The following FBN2 variants were observed in gnomAD, a reference collection of about 807,000 sequenced individuals.
The protein encoded by FBN2 is fibrillin 2.
FBN2 carries 105 observed loss-of-function variants against 355.6 expected under a neutral mutation model. The ratio of observed to expected loss-of-function variants is 0.30; its 90% CI spans 0.25 to 0.35. The LOEUF (loss-of-function observed/expected upper bound fraction) is 0.35, where lower values mean the gene tolerates loss of function less well. FBN2 is among the 10% of genes least tolerant of loss of function. FBN2 has a pLI of 1.00. For synonymous variants in FBN2, 1,350 were observed against 1,301.2 expected (o/e 1.04, Z -0.81); for missense variants, 3,280 against 3,758.7 (o/e 0.87, Z 3.33).
rs369652475 is a variant in FBN2 at position 128,302,991 on chromosome 5, G to A, written c.5899C>T (p.His1967Tyr). The A allele has an allele frequency of 7.9e-5, 125 of 1,577,590 alleles. 3 individuals are homozygous for A. The South Asian group carries it at 1.3e-3, about 17-fold the overall frequency. Residue 1967 changes from histidine to tyrosine, a missense_variant, in exon 46 of 65, where the codon CAT becomes TAT. Transcript: ENST00000262464. ...CLCYPGFELTHNNDCLDIDEC... is the reference protein window; with the variant it reads ...CLCYPGFELTYNNDCLDIDEC... ...TACTTACCCAGGCAATCATTATTAT[G>A]AGTGAGTTCAAACCCTGGGTAGCAC... is the stretch of plus-strand genomic sequence containing the variant.
chr5:128,509,667 T>C (rs1333001488), intron 5 of FBN2, among the ~76,000 whole-genome samples: 1 of 152,188 alleles, frequency 6.6e-6, no homozygotes, highest in Non-Finnish European at 1.5e-5. Flanking sequence ...TTTTTTACTT[T>C]ATTTAGTGCT....
chr5:128,347,334 T>C (rs1751209539), intron 23 of FBN2, among the ~76,000 whole-genome samples: 1 of 152,176 alleles, frequency 6.6e-6, no homozygotes, highest in Non-Finnish European at 1.5e-5. Context: ...TATCGGCAAT[T>C]AAAAGTCAGC....
intron 5 of FBN2, among the ~76,000 whole-genome samples, chr5:128,465,307 C>T (rs1258311666): frequency 1.3e-5 from 2 of 152,186 alleles, no homozygotes; most frequent in Non-Finnish European, 2.9e-5. Flanking sequence ...CCTGCCATGT[C>T]ACACAGCACT....
intron 33 of FBN2, among the ~76,000 whole-genome samples, chr5:128,330,212 T>C (rs1183124344): frequency 1.3e-5 from 2 of 152,230 alleles, no homozygotes; most frequent in African/African-American, 4.8e-5. Flanking sequence ...GTTAAGTAAT[T>C]CACTTACAGT....
At chr5:128,384,494 C>T (rs1752316156) in intron 11 of FBN2, among the ~76,000 whole-genome samples, 1 of 152,026 alleles carries the variant, frequency 6.6e-6, no homozygotes, top group African/African-American at 2.4e-5. Context: ...AAAATCTGCA[C>T]AATACTTCCA....
chr5:128,395,318 C>T, intron 8 of FBN2, 44 bp from the exon 9 acceptor site: 1 of 1,605,762 alleles, frequency 6.2e-7, no homozygotes, highest in South Asian at 1.1e-5. Context: ...AGAATTACCT[C>T]AGGTTCTTAC....
At chr5:128,512,249 A>G (rs995238478) in intron 5 of FBN2, among the ~76,000 whole-genome samples, 1 of 152,088 alleles carries the variant, frequency 6.6e-6, no homozygotes, top group Non-Finnish European at 1.5e-5. Flanking sequence ...CAGTGGCTTA[A>G]GCCTGTAATC....
chr5:128,344,032 G>T (rs1278621082), intron 25 of FBN2, among the ~76,000 whole-genome samples: 1 of 152,026 alleles, frequency 6.6e-6, no homozygotes, highest in Non-Finnish European at 1.5e-5. Context: ...GGAGTTTGAG[G>T]CCAGCCTGGG....
At position 128,276,227 on chromosome 5, in the gene FBN2, C is replaced by T; in HGVS notation, c.7472-67G>A. On this transcript the variant is annotated intron_variant, in intron 58 of 64. Transcript: ENST00000262464. ...AAACAACCAGACTCTTTCCTCCTTCCATATTCTCACTTCATTCTTTTTGTT... is the reference window on the plus strand; with the variant it reads ...AAACAACCAGACTCTTTCCTCCTTCTATATTCTCACTTCATTCTTTTTGTT... The T allele has an allele frequency of 2.0e-6, 3 of 1,499,802 alleles. No individual in the cohort carries two copies. In the South Asian group the frequency reaches 3.4e-5, roughly 17 times the overall value. The allele number at this position is 1,499,802 out of a possible 1,614,324, so 92.9% of individuals were successfully genotyped here. A position where few individuals can be genotyped will look rare whatever the true frequency, so the allele number is the denominator to read the frequency against.
chr5:128,514,312 C>T (rs796267966), intron 5 of FBN2, among the ~76,000 whole-genome samples: 1 of 152,200 alleles, frequency 6.6e-6, no homozygotes, highest in African/African-American at 2.4e-5. Flanking sequence ...TTTCATTCTA[C>T]ATTCATTTGA....
In FBN2 at chr5:128,357,729, CACAA is replaced by C. The variant is rs368611138; in HGVS notation, c.2555-338_2555-335del. The stretch of plus-strand genomic sequence containing the variant: ...GCAATTCCAGGTGCAACATCCTGTG[CACAA>C]ACAAAGGTTGATTGCTTTGATGATT... On this transcript the variant is annotated intron_variant, in intron 19 of 64. Transcript: ENST00000262464. Among the ~76,000 whole-genome samples the C allele has an allele frequency of 8.0e-4, 122 of 152,222 alleles. 1 individual carries two copies. Among genetic ancestry groups the C allele is most frequent in the African/African-American group, 2.6e-3 (110 of 41,532 alleles).
At chr5:128,522,613 A>G (rs554116353) in intron 4 of FBN2, among the ~76,000 whole-genome samples, 1 of 152,344 alleles carries the variant, frequency 6.6e-6, no homozygotes, top group Admixed American at 6.5e-5. Context: ...CAGCAGCCGA[A>G]GTTTACATTA....
intron 36 of FBN2, among the ~76,000 whole-genome samples, chr5:128,317,481 A>G (rs745376054): frequency 2.6e-5 from 4 of 152,136 alleles, no homozygotes; most frequent in Non-Finnish European, 4.4e-5. Flanking sequence ...TGCAGGCCCA[A>G]AAACTGACAC....
chr5:128,426,727 C>T (rs1161992315), intron 7 of FBN2, among the ~76,000 whole-genome samples: 1 of 152,174 alleles, frequency 6.6e-6, no homozygotes, highest in East Asian at 1.9e-4. Context: ...TGTCTTCTTT[C>T]TTCTATCTTT....
At chr5:128,446,719 C>T in intron 6 of FBN2, 113 bp from the exon 7 acceptor site, 2 of 1,141,646 alleles carry the variant, frequency 1.8e-6, no homozygotes, top group East Asian at 2.7e-5. Context: ...CAGTTTTTCT[C>T]AAGAGAGTGG....
intron 7 of FBN2, among the ~76,000 whole-genome samples, chr5:128,441,548 T>C (rs942317494): frequency 6.6e-6 from 1 of 152,242 alleles, no homozygotes; most frequent in Non-Finnish European, 1.5e-5. Context: ...TCTGTGGTGA[T>C]GATTTAATAA....
chr5:128,457,859 AAAC>A (rs1233450931), intron 6 of FBN2, among the ~76,000 whole-genome samples: 1 of 151,796 alleles, frequency 6.6e-6, no homozygotes, highest in East Asian at 1.9e-4. Flanking sequence ...AAAAAACAAA[AAAC>A]AAAATATAAA....
chr5:128,417,418 G>A (rs777801943), intron 7 of FBN2, among the ~76,000 whole-genome samples: 18 of 152,100 alleles, frequency 1.2e-4, no homozygotes, highest in Non-Finnish European at 2.1e-4. Context: ...TGTAGGCATC[G>A]TCTTATTCCA....
chr5:128,502,264 T>A (rs965325471), intron 5 of FBN2, among the ~76,000 whole-genome samples: 1 of 145,656 alleles, frequency 6.9e-6, no homozygotes, highest in African/African-American at 2.6e-5. Flanking sequence ...GATCACATGC[T>A]TTTCACTAAA....
Sources: allele counts gnomAD v4.1 joint callset (sites outside exome capture counted in the v4.1 genomes callset), GRCh38; gene constraint gnomAD v4.1.1; transcripts MANE v1.5; gene names NCBI Gene and HGNC (gene_info 2026-07-23, HGNC 2026-07-21).